Variants in KSR2 observed in about 807,000 individuals in gnomAD.
KSR2 encodes the protein kinase suppressor of ras 2.
Under a neutral mutation model 107.8 loss-of-function variants are expected in KSR2, and 25 were observed. The ratio of observed to expected loss-of-function variants is 0.23; its 90% CI spans 0.17 to 0.32. The LOEUF (loss-of-function observed/expected upper bound fraction) is 0.32. Among genes scored for constraint, KSR2 ranks in the 10% least tolerant of loss-of-function variants. The pLI is 1.00. For synonymous variants in KSR2, 480 were observed against 507.0 expected, an observed-to-expected ratio of 0.95 and a Z score of 0.71; for missense variants, 887 against 1,268.9, an observed-to-expected ratio of 0.70 and a Z score of 4.57.
At chr12:117,827,034 C>CAACAAA (rs1891782139) in intron 3 of KSR2, among the ~76,000 whole-genome samples, 1 of 103,600 alleles carries the variant, frequency 9.7e-6, no homozygotes, top group African/African-American at 3.7e-5. Context: ...GACCCTGTCT[C>CAACAAA]AAAAAAAAAA....
At chr12:117,832,279 C>T (rs1470208720) in intron 3 of KSR2, among the ~76,000 whole-genome samples, 1 of 152,046 alleles carries the variant, frequency 6.6e-6, no homozygotes, top group Non-Finnish European at 1.5e-5. Context: ...AGCAAAACTC[C>T]ATCTCAAAAA....
At chr12:117,573,988 C>T (rs753665205) in intron 7 of KSR2, among the ~76,000 whole-genome samples, 10 of 152,186 alleles carry the variant, frequency 6.6e-5, no homozygotes, top group Non-Finnish European at 1.5e-4. Context: ...ACACAAACAT[C>T]TCACATTATG....
At chr12:117,669,626 C>T (rs146585681) in intron 4 of KSR2, among the ~76,000 whole-genome samples, 298 of 151,744 alleles carry the variant, frequency 2.0e-3, no homozygotes, top group African/African-American at 7.1e-3. Flanking sequence ...CCAGCACTTT[C>T]GGGGGCCAAG....
At chr12:117,853,712 T>C (rs928916826) in intron 3 of KSR2, among the ~76,000 whole-genome samples, 1 of 152,074 alleles carries the variant, frequency 6.6e-6, no homozygotes, top group East Asian at 1.9e-4. Flanking sequence ...AAGTCACCTT[T>C]GGAGCAGATT....
chr12:117,605,260 T>C (rs966783432), intron 5 of KSR2, among the ~76,000 whole-genome samples: 3 of 152,158 alleles, frequency 2.0e-5, no homozygotes, highest in African/African-American at 7.2e-5. Flanking sequence ...TTAAGGACAC[T>C]CTCTCCAACC....
intron 3 of KSR2, among the ~76,000 whole-genome samples, chr12:117,788,828 A>G (rs1405585484): frequency 1.3e-5 from 2 of 152,178 alleles, no homozygotes; most frequent in African/African-American, 2.4e-5. Context: ...AACACATTTC[A>G]AATGACCTGG....
chr12:117,939,656 G>A (rs944074326), intron 1 of KSR2, among the ~76,000 whole-genome samples: 4 of 152,062 alleles, frequency 2.6e-5, no homozygotes, highest in African/African-American at 9.7e-5. Context: ...AGGTTGCAGT[G>A]AGCCGAGATA....
chr12:117,542,140 C>T (rs1019485126), intron 9 of KSR2, among the ~76,000 whole-genome samples: 3 of 152,030 alleles, frequency 2.0e-5, no homozygotes, highest in East Asian at 1.9e-4. Flanking sequence ...GATCCTCCCC[C>T]CTCAGCCTCC....
At chr12:117,491,827 G>C (rs1156732580) in intron 14 of KSR2, among the ~76,000 whole-genome samples, 1 of 152,144 alleles carries the variant, frequency 6.6e-6, no homozygotes, top group Non-Finnish European at 1.5e-5. Context: ...TCCATCTTTT[G>C]CTTCTTAACA....
chr12:117,506,622 T>C (rs1873695859), intron 14 of KSR2, among the ~76,000 whole-genome samples: 1 of 152,136 alleles, frequency 6.6e-6, no homozygotes, highest in Non-Finnish European at 1.5e-5. Flanking sequence ...AGAATAAATG[T>C]AGTAGCCAGG....
chr12:117,738,884 T>TA (rs969049142), intron 4 of KSR2, among the ~76,000 whole-genome samples: 6 of 149,852 alleles, frequency 4.0e-5, no homozygotes, highest in East Asian at 2.0e-4. Context: ...AAACAAAGGA[T>TA]AAAAAAAGTT....
chr12:117,964,788 A>G (rs1324391005), intron 1 of KSR2, among the ~76,000 whole-genome samples: 9 of 152,262 alleles, frequency 5.9e-5, no homozygotes, highest in Non-Finnish European at 1.3e-4. Flanking sequence ...AACTTAAATC[A>G]CTAGCCCAAG....
chr12:117,643,315 C>A (rs1428322021), intron 5 of KSR2, among the ~76,000 whole-genome samples: 1 of 152,146 alleles, frequency 6.6e-6, no homozygotes, highest in African/African-American at 2.4e-5. Flanking sequence ...GGCATGGTGG[C>A]GGGTGCCTGT....
intron 15 of KSR2, 23 bp from the exon 16 acceptor site, chr12:117,484,572 A>G (rs749500233): frequency 6.2e-7 from 1 of 1,612,312 alleles, no homozygotes; most frequent in Non-Finnish European, 8.5e-7. Flanking sequence ...AGGAACAGAG[A>G]GTTGCCAGAG....
chr12:117,895,348 T>C (rs947300350), intron 1 of KSR2, among the ~76,000 whole-genome samples: 3 of 152,144 alleles, frequency 2.0e-5, no homozygotes, highest in African/African-American at 4.8e-5. Context: ...GGTAGAAGCT[T>C]ACCAAATATC....
At chr12:117,859,945 A>G (rs777924037) in intron 2 of KSR2, among the ~76,000 whole-genome samples, 1 of 152,220 alleles carries the variant, frequency 6.6e-6, no homozygotes, top group Non-Finnish European at 1.5e-5. Context: ...TGTCCTAACC[A>G]CAAGTGGCTA....
intron 3 of KSR2, among the ~76,000 whole-genome samples, chr12:117,764,660 C>G (rs577003238): frequency 6.6e-6 from 1 of 152,322 alleles, no homozygotes; most frequent in South Asian, 2.1e-4. Context: ...ACAGTATCTA[C>G]TCTCAAATAT....
chr12:117,608,945 G>A (rs959016324), intron 5 of KSR2, among the ~76,000 whole-genome samples: 5 of 152,056 alleles, frequency 3.3e-5, no homozygotes, highest in African/African-American at 9.7e-5. Context: ...GGGAATTCTG[G>A]GAGGTTGTCC....
At chr12:117,737,986 T>G (rs879674000) in intron 4 of KSR2, among the ~76,000 whole-genome samples, 5 of 152,094 alleles carry the variant, frequency 3.3e-5, no homozygotes, top group Non-Finnish European at 7.4e-5. Flanking sequence ...GGTGTGCAAG[T>G]CACTGCCCTC....
Sources: allele counts gnomAD v4.1 joint callset (sites outside exome capture counted in the v4.1 genomes callset), GRCh38; gene constraint gnomAD v4.1.1; transcripts MANE v1.5; gene names NCBI Gene and HGNC (gene_info 2026-07-23, HGNC 2026-07-21).